NINL: variants seen among roughly 807,000 people sequenced by gnomAD.
The protein encoded by NINL is ninein-like protein.
In NINL, 153 loss-of-function variants were observed where a neutral mutation model predicts 160.3. The observed-to-expected ratio is 0.95, with a 90% CI of 0.84 to 1.09. The LOEUF is 1.09. Among genes scored for constraint, NINL ranks in the 50% least tolerant of loss-of-function variants. NINL has a pLI of 0.00. For missense variants in NINL, 1,829 were observed against 1,764.0 expected, an observed-to-expected ratio of 1.04 and a Z score of -0.66; for synonymous variants, 800 against 734.8, an observed-to-expected ratio of 1.09 and a Z score of -1.43.
chr20:25,507,273 G>A (rs1481688151), intron 5 of NINL, among the ~76,000 whole-genome samples: 1 of 151,628 alleles, frequency 6.6e-6, no homozygotes, highest in Admixed American at 6.6e-5. Flanking sequence ...TGCAGGTGGT[G>A]CTGTGTCCTC....
chr20:25,472,900 C>A (rs1252702565), intron 17 of NINL, among the ~76,000 whole-genome samples: 1 of 152,142 alleles, frequency 6.6e-6, no homozygotes, highest in Non-Finnish European at 1.5e-5. Flanking sequence ...CAACATAATG[C>A]TCCAAAAGAC....
At chr20:25,560,867 G>A (rs978730131) in intron 1 of NINL, among the ~76,000 whole-genome samples, 6 of 151,828 alleles carry the variant, frequency 4.0e-5, no homozygotes, top group Non-Finnish European at 8.8e-5. Flanking sequence ...ACGAATTAAG[G>A]TGAAAGAAAG....
chr20:25,504,117 C>T lies in NINL; in HGVS notation c.709-13G>A, dbSNP rs375994738. 50 of 1,551,804 alleles carry T rather than the reference C, an allele frequency of 3.2e-5. No individual in the cohort carries two copies. The East Asian group carries it at 5.7e-4, about 18-fold the overall frequency. ...GGTCTTCGAGTTCCTAAACAAAAGC[C>T]GTCATATCTCAGGCCCACCCACAAG... On this transcript the variant is annotated splice_polypyrimidine_tract_variant and intron_variant, in intron 6 of 23. Coordinates refer to ENST00000278886, the MANE Select transcript of NINL (RefSeq NM_025176.6).
chr20:25,502,278 G>A (rs1335283738), intron 7 of NINL, among the ~76,000 whole-genome samples: 1 of 152,078 alleles, frequency 6.6e-6, no homozygotes, highest in African/African-American at 2.4e-5. Context: ...CACCATGCCC[G>A]GCCCTCATTG....
intron 17 of NINL, among the ~76,000 whole-genome samples, chr20:25,474,787 G>C (rs892336422): frequency 1.3e-5 from 2 of 150,172 alleles, no homozygotes; most frequent in African/African-American, 4.9e-5. Flanking sequence ...GCTAATTTTT[G>C]TATTTTTTTT....
At chr20:25,481,402 A>G (rs951973573) in intron 14 of NINL, among the ~76,000 whole-genome samples, 4 of 152,190 alleles carry the variant, frequency 2.6e-5, no homozygotes, top group African/African-American at 9.6e-5. Flanking sequence ...CTCTCTGCAG[A>G]GGAGCCAGAG....
intron 1 of NINL, among the ~76,000 whole-genome samples, chr20:25,566,026 A>T (rs984829051): frequency 6.6e-6 from 1 of 152,184 alleles, no homozygotes; most frequent in Non-Finnish European, 1.5e-5. Context: ...CCATGCTATT[A>T]GCATCCTAGG....
At chr20:25,531,497 C>A (rs187223112) in intron 1 of NINL, among the ~76,000 whole-genome samples, 1 of 152,084 alleles carries the variant, frequency 6.6e-6, no homozygotes, top group African/African-American at 2.4e-5. Flanking sequence ...TAAAGACAGG[C>A]GTAAGAAATT....
chr20:25,558,025 C>G (rs2064889368), intron 1 of NINL, among the ~76,000 whole-genome samples: 1 of 150,168 alleles, frequency 6.7e-6, no homozygotes, highest in African/African-American at 2.4e-5. Context: ...CCTGTAATCA[C>G]AGCTACTCGG....
intron 8 of NINL, among the ~76,000 whole-genome samples, chr20:25,500,449 G>C (rs1301603568): frequency 1.3e-5 from 2 of 152,276 alleles, no homozygotes; most frequent in African/African-American, 4.8e-5. Flanking sequence ...AGGAGAGTCC[G>C]GGCTCACTCT....
chr20:25,541,831 AC>A (rs1310521701), intron 1 of NINL, among the ~76,000 whole-genome samples: 2 of 152,348 alleles, frequency 1.3e-5, no homozygotes, highest in Admixed American at 6.5e-5. Context: ...TGCAGCTACC[AC>A]TGTAATAGCT....
In NINL at chr20:25,489,386, C is replaced by T. The variant is rs1226931850; in HGVS notation, c.1597-62G>A. The T allele has an allele frequency of 3.4e-6, 5 of 1,476,370 alleles. No homozygotes were observed. In the Admixed American group the frequency reaches 6.7e-5, roughly 20 times the overall value. The allele number at this position is 1,476,370 out of a possible 1,614,324, so 91.5% of individuals were successfully genotyped here. The stretch of plus-strand genomic sequence containing the variant: ...TCGGGCCAGAGGGGGACCTGCTTCT[C>T]CAGCCCCTGGGCTCCAAGAACCTGC... On this transcript the variant is annotated intron_variant, in intron 12 of 23. Coordinates refer to ENST00000278886, the MANE Select transcript of NINL (RefSeq NM_025176.6).
chr20:25,479,316 T>A, intron 15 of NINL, 110 bp from the exon 16 acceptor site: 1 of 1,404,684 alleles, frequency 7.1e-7, no homozygotes, highest in Non-Finnish European at 9.6e-7. Flanking sequence ...AAGACCGGCA[T>A]CCTGGCCTGC....
chr20:25,552,502 G>C (rs962150793), intron 1 of NINL, among the ~76,000 whole-genome samples: 1 of 152,246 alleles, frequency 6.6e-6, no homozygotes, highest in Admixed American at 6.5e-5. Flanking sequence ...AAGGCCAATT[G>C]CATGTTTATC....
Position 25,491,338 on chromosome 20 carries a change from G to A in NINL, c.1485+13C>T, listed in dbSNP as rs752960256. The A allele has an allele frequency of 1.0e-5, 16 of 1,597,508 alleles. No individual in the cohort carries two copies. In the Admixed American group the frequency reaches 1.0e-4, roughly 10 times the overall value. On this transcript the variant is annotated intron_variant, in intron 11 of 23. Transcript: ENST00000278886. ...CCCCCCCAGCTTCCTGGATGCCCTG[G>A]GGATGCCCCTACCTTCAGGGCCAGG...
At position 25,503,169 on chromosome 20, in the gene NINL, A is replaced by C. The variant is rs1200186269; in HGVS notation, c.861+783T>G. ...CCAGCAGGTGGGCACCTGAGCAGCAAGTTCCTCACCTGAGCACTGCCTCCT... is the reference window on the plus strand; with the variant it reads ...CCAGCAGGTGGGCACCTGAGCAGCACGTTCCTCACCTGAGCACTGCCTCCT... On this transcript the variant is annotated intron_variant, in intron 7 of 23. Coordinates refer to ENST00000278886, the MANE Select transcript of NINL (RefSeq NM_025176.6). Among the ~76,000 whole-genome samples, 345 of 114,590 alleles carry C rather than the reference A, an allele frequency of 3.0e-3. No homozygotes were observed. In the Middle Eastern group the frequency reaches 0.036, roughly 12 times the overall value. The allele number at this position is 114,590 out of a possible 152,430, so 75.2% of individuals were successfully genotyped here.
intron 18 of NINL, among the ~76,000 whole-genome samples, chr20:25,469,492 G>A (rs760479671): frequency 6.8e-5 from 10 of 147,586 alleles, no homozygotes; most frequent in Non-Finnish European, 1.2e-4. Context: ...TCTTGCCTCA[G>A]TGCTCAGGTT....
intron 13 of NINL, among the ~76,000 whole-genome samples, chr20:25,486,924 A>G (rs954850993): frequency 2.0e-5 from 3 of 152,246 alleles, no homozygotes; most frequent in Non-Finnish European, 2.9e-5. Context: ...TATTTTCCCT[A>G]TAATACCTGC....
chr20:25,453,431 T>A lies in NINL; in HGVS notation c.*20A>T. 2 of 1,571,134 alleles carry A rather than the reference T, an allele frequency of 1.3e-6. No homozygotes were observed. The highest frequency in any genetic ancestry group is 4.5e-5 in the East Asian group (2 of 44,220). ...TTTAAAAGATGTGCTTTCGAATGAA[T>A]CCTAGAAAATAATCTGTCTTTACAC... On this transcript the variant is annotated 3_prime_UTR_variant, in exon 24 of 24. Transcript: ENST00000278886.
Sources: gnomAD v4.1 joint callset for allele counts (sites outside exome capture counted in the v4.1 genomes callset) on GRCh38, gnomAD v4.1.1 for gene constraint, MANE v1.5 for transcripts, NCBI Gene and HGNC (gene_info 2026-07-23, HGNC 2026-07-21) for gene names.